KPNA4: variants seen among roughly 807,000 people sequenced by gnomAD.
KPNA4 encodes the protein importin subunit alpha-3.
A neutral mutation model predicts 71.3 loss-of-function variants in KPNA4; 13 were observed. That is an observed-to-expected ratio of 0.18 (90% CI 0.12 to 0.29). KPNA4 has a LOEUF of 0.29. KPNA4 is among the 10% of genes least tolerant of loss of function. The pLI is 1.00. For synonymous variants in KPNA4, 189 were observed against 195.2 expected (o/e 0.97, Z 0.26); for missense variants, 334 against 603.2 (o/e 0.55, Z 4.67).
At position 160,521,810 on chromosome 3, in the gene KPNA4, G is replaced by A; in HGVS notation, c.872C>T (p.Pro291Leu). ...IDSGIVPHLV[P>L]LLSHQEVKVQ... Reference sequence around the variant, plus strand: ...TTTAACTTCCTGGTGGCTGAGCAGAGGAACCAAATGAGGAACTATTCCAGA... The same window carrying A: ...TTTAACTTCCTGGTGGCTGAGCAGAAGAACCAAATGAGGAACTATTCCAGA... The change falls in exon 11 of 17, where the codon CCT (proline) becomes CTT (leucine). Residue 291 changes from proline (P) to leucine (L), a missense_variant. By Grantham distance (98) the Pro-to-Leu change is moderately conservative. Transcript: ENST00000334256. The A allele has an allele frequency of 6.2e-7, 1 of 1,612,290 alleles. No homozygotes were observed. Among genetic ancestry groups the A allele is most frequent in the Non-Finnish European group, 8.5e-7 (1 of 1,179,912 alleles).
In KPNA4 at chr3:160,496,467, A is replaced by G. The variant is rs1419787242; in HGVS notation, c.*5637T>C. 6.6e-6 allele frequency: 1 copy of G among 152,198 alleles called. No individual in the cohort carries two copies. The highest frequency in any genetic ancestry group is 1.5e-5 in the Non-Finnish European group (1 of 68,040). 9.4% of individuals were successfully genotyped at this position (152,198 alleles called of 1,614,324 possible). ...AAACAGCTGTTTCAAAGTAAGAGTA[A>G]AAACAGGCTGGAGAAAATCTTGGGT... On this transcript the variant is annotated 3_prime_UTR_variant, in exon 17 of 17. Transcript: ENST00000334256.
chr3:160,511,659 T>C (rs1168532197), intron 13 of KPNA4, among the ~76,000 whole-genome samples: 2 of 151,398 alleles, frequency 1.3e-5, no homozygotes, highest in Non-Finnish European at 2.9e-5. Context: ...GTCAAAGAAA[T>C]CTTAAAAGTA....
chr3:160,497,118 T>A lies in KPNA4; in HGVS notation c.*4986A>T, dbSNP rs1720779918. 1 of 152,188 alleles carries A rather than the reference T, an allele frequency of 6.6e-6. No homozygotes were observed. The allele number at this position is 152,188 out of a possible 1,614,324, so 9.4% of individuals were successfully genotyped here. ...GTTCATTATTTTTCAACTTCCTTTA[T>A]TAAGAATTAAGGCTGGTTGGGCGCA... On this transcript the variant is annotated 3_prime_UTR_variant, in exon 17 of 17. Coordinates refer to ENST00000334256, the MANE Select transcript of KPNA4 (RefSeq NM_002268.5).
At position 160,511,432 on chromosome 3, in the gene KPNA4, C is replaced by A. The variant is rs138445677; in HGVS notation, c.1138-1561G>T. 6.8e-4 allele frequency among the ~76,000 whole-genome samples: 103 copies of A among 152,246 alleles called. 1 individual carries two copies. In the East Asian group the frequency reaches 0.02, roughly 29 times the overall value. ...TATTCTTTAAAGTACTATTTAACAACAAACACTGGAGACATCTCAAATATC... is the reference window on the plus strand; with the variant it reads ...TATTCTTTAAAGTACTATTTAACAAAAAACACTGGAGACATCTCAAATATC... On this transcript the variant is annotated intron_variant, in intron 13 of 16. Transcript: ENST00000334256.
chr3:160,525,729 C>A, intron 10 of KPNA4, 71 bp downstream of exon 10: 2 of 965,664 alleles, frequency 2.1e-6, no homozygotes, highest in Non-Finnish European at 2.9e-6. Flanking sequence ...TATTTCTCCC[C>A]TATGTCACAG....
intron 1 of KPNA4, among the ~76,000 whole-genome samples, chr3:160,562,413 T>C (rs1487599290): frequency 6.6e-6 from 1 of 152,182 alleles, no homozygotes; most frequent in Non-Finnish European, 1.5e-5. Context: ...AAGCAATTAT[T>C]TTCTCAGAAT....
intron 10 of KPNA4, 137 bp from the exon 11 acceptor site, chr3:160,522,047 G>T: frequency 1.4e-6 from 1 of 689,970 alleles, no homozygotes; most frequent in Non-Finnish European, 2.4e-6. Flanking sequence ...ATTGGAATCT[G>T]ATCGCTACGG....
intron 11 of KPNA4, among the ~76,000 whole-genome samples, chr3:160,519,596 C>T: frequency 6.6e-6 from 1 of 151,206 alleles, no homozygotes; most frequent in East Asian, 1.9e-4. Flanking sequence ...AGATCGAGAC[C>T]ATCCTGGCTA....
At chr3:160,513,641 T>C (rs1465114605) in intron 13 of KPNA4, among the ~76,000 whole-genome samples, 2 of 152,208 alleles carry the variant, frequency 1.3e-5, no homozygotes, top group South Asian at 4.1e-4. Context: ...TACAATAGCA[T>C]ACTTATTTGC....
At chr3:160,507,499 C>CAAAA (rs57528939) in intron 15 of KPNA4, among the ~76,000 whole-genome samples, 6 of 49,406 alleles carry the variant, frequency 1.2e-4, no homozygotes, top group Non-Finnish European at 1.8e-4. Context: ...GACACTGTCT[C>CAAAA]AAAAAAAAAA....
At chr3:160,537,771 T>C (rs1200930091) in intron 1 of KPNA4, among the ~76,000 whole-genome samples, 2 of 151,714 alleles carry the variant, frequency 1.3e-5, no homozygotes, top group Non-Finnish European at 2.9e-5. Context: ...GAGCCATCCT[T>C]GATTATTTTT....
chr3:160,560,416 A>T lies in KPNA4; in HGVS notation c.69+4798T>A, dbSNP rs1037177222. On this transcript the variant is annotated intron_variant, in intron 1 of 16. Transcript: ENST00000334256. ...ATTCCTCTTTTCTGTTCCAAAACTA[A>T]ATCAGCGAGTAAGTACCAAAATCAG... Among the ~76,000 whole-genome samples, 5 of 152,052 alleles carry T rather than the reference A, an allele frequency of 3.3e-5. No homozygotes were observed. The South Asian group carries it at 1.0e-3, about 31-fold the overall frequency.
At chr3:160,534,803 C>CTTTTT (rs533163186) in intron 5 of KPNA4, among the ~76,000 whole-genome samples, 1 of 143,166 alleles carries the variant, frequency 7.0e-6, no homozygotes, top group African/African-American at 2.5e-5. Context: ...TCATTAATCT[C>CTTTTT]TTTTTTTTTT....
chr3:160,502,816 C>T (rs780945332), intron 16 of KPNA4, among the ~76,000 whole-genome samples: 3 of 152,108 alleles, frequency 2.0e-5, no homozygotes, highest in Non-Finnish European at 4.4e-5. Context: ...TTCCCTTAAA[C>T]CTGGGCAAGT....
intron 13 of KPNA4, among the ~76,000 whole-genome samples, chr3:160,511,570 A>G (rs2108544762): frequency 6.6e-6 from 1 of 152,188 alleles, no homozygotes; most frequent in East Asian, 1.9e-4. Context: ...AGGAATAAAG[A>G]AGCTCTCTAT....
intron 1 of KPNA4, among the ~76,000 whole-genome samples, chr3:160,547,021 A>G (rs577320624): frequency 3.9e-5 from 6 of 152,348 alleles, no homozygotes; most frequent in Admixed American, 1.3e-4. Flanking sequence ...AAATCTGTGT[A>G]AACTGACCAT....
chr3:160,546,551 C>T (rs1157403585), intron 1 of KPNA4, among the ~76,000 whole-genome samples: 1 of 152,110 alleles, frequency 6.6e-6, no homozygotes, highest in Non-Finnish European at 1.5e-5. Context: ...AATATGGAAC[C>T]AAGTGAAAAT....
rs191473941 is a variant in KPNA4, at chr3:160,529,722, A to G, written c.469+1133T>C. Among the ~76,000 whole-genome samples, 23 of 152,236 alleles carry G rather than the reference A, an allele frequency of 1.5e-4. No homozygotes were observed. In the Middle Eastern group the frequency reaches 0.01, roughly 68 times the overall value. On this transcript the variant is annotated intron_variant, in intron 7 of 16. Coordinates refer to ENST00000334256, the MANE Select transcript of KPNA4 (RefSeq NM_002268.5). ...ATACACTCGGGTTCTTACTTCCAAT[A>G]ATTTTCCACTTACATTTCTTGAAAC...
At chr3:160,518,129 GTT>G (rs747779915) in intron 11 of KPNA4, among the ~76,000 whole-genome samples, 2 of 139,068 alleles carry the variant, frequency 1.4e-5, no homozygotes, top group Non-Finnish European at 3.1e-5. Flanking sequence ...TCTATTCTGA[GTT>G]TTTTTTTTTT....
Sources: gnomAD v4.1 joint callset for allele counts (sites outside exome capture counted in the v4.1 genomes callset) on GRCh38, gnomAD v4.1.1 for gene constraint, MANE v1.5 for transcripts, NCBI Gene and HGNC (gene_info 2026-07-23, HGNC 2026-07-21) for gene names.